CAST: variants seen among roughly 807,000 people sequenced by gnomAD.
CAST encodes the protein calpastatin.
A neutral mutation model predicts 119.6 loss-of-function variants in CAST; 76 were observed. The observed-to-expected ratio is 0.64, with a 90% CI of 0.53 to 0.77. The LOEUF (loss-of-function observed/expected upper bound fraction) is 0.77. CAST is among the 30% of genes least tolerant of loss of function. CAST has a pLI of 0.00. For synonymous variants in CAST, 319 were observed against 331.6 expected (o/e 0.96, Z 0.41); for missense variants, 953 against 946.5 (o/e 1.01, Z -0.09).
chr5:96,086,795 G>A, the CAST span, among the ~76,000 whole-genome samples: 3 of 152,144 alleles, frequency 2.0e-5, no homozygotes, highest in South Asian at 6.2e-4. Flanking sequence ...TTCTACATGA[G>A]ATGGTTAGCC....
chr5:96,471,923 C>T, the CAST span, among the ~76,000 whole-genome samples: 1 of 152,022 alleles, frequency 6.6e-6, no homozygotes, highest in Admixed American at 6.6e-5. Context: ...GGACAACTAT[C>T]CACAGCTATT....
At chr5:96,299,883 C>T in the CAST span, among the ~76,000 whole-genome samples, 13 of 152,108 alleles carry the variant, frequency 8.5e-5, no homozygotes, top group Non-Finnish European at 1.8e-4. Flanking sequence ...ACATATCCAT[C>T]ACCTCAAATA....
the CAST span, among the ~76,000 whole-genome samples, chr5:96,427,717 A>G: frequency 9.2e-5 from 14 of 152,192 alleles, no homozygotes; most frequent in Non-Finnish European, 2.9e-5. Flanking sequence ...ATTTTCTCCT[A>G]TGAAAGTGAG....
At chr5:96,496,347 A>G in the CAST span, among the ~76,000 whole-genome samples, 1 of 152,170 alleles carries the variant, frequency 6.6e-6, no homozygotes, top group South Asian at 2.1e-4. Flanking sequence ...GTAGTTGGAA[A>G]AACTTTTCTT....
chr5:96,647,424 C>A (rs1370872348), intron 1 of CAST, among the ~76,000 whole-genome samples: 1 of 152,072 alleles, frequency 6.6e-6, no homozygotes, highest in South Asian at 2.1e-4. Flanking sequence ...CCTATATGAA[C>A]CTTCGATTAT....
At chr5:96,234,248 A>G in the CAST span, among the ~76,000 whole-genome samples, 1 of 152,206 alleles carries the variant, frequency 6.6e-6, no homozygotes, top group African/African-American at 2.4e-5. Flanking sequence ...CTTAAAATGT[A>G]TTGCTTGTTT....
At chr5:96,615,356 G>A (rs1242893191) in intron 1 of CAST, among the ~76,000 whole-genome samples, 1 of 152,138 alleles carries the variant, frequency 6.6e-6, no homozygotes, top group Non-Finnish European at 1.5e-5. Context: ...CCCTAGGCAG[G>A]TCTCACTTCC....
At chr5:96,526,862 T>A (rs1281770551), upstream of CAST, among the ~76,000 whole-genome samples, 1 of 152,136 alleles carries the variant, frequency 6.6e-6, no homozygotes. Context: ...GGCCTGTGCT[T>A]TTTCCAAAGA....
chr5:96,262,879 G>A, the CAST span, among the ~76,000 whole-genome samples: 1 of 152,090 alleles, frequency 6.6e-6, no homozygotes, highest in Non-Finnish European at 1.5e-5. Flanking sequence ...CCAAGGATAG[G>A]TCTTCTTGCT....
chr5:96,063,210 G>A, the CAST span, among the ~76,000 whole-genome samples: 2 of 152,136 alleles, frequency 1.3e-5, no homozygotes, highest in Admixed American at 1.3e-4. Context: ...CTGGACTGCT[G>A]ATGGCTGCTA....
the CAST span, among the ~76,000 whole-genome samples, chr5:96,449,719 C>A: frequency 6.6e-6 from 1 of 152,194 alleles, no homozygotes; most frequent in Non-Finnish European, 1.5e-5. Flanking sequence ...TGTTCAAATG[C>A]GTTATGTAAT....
chr5:96,165,162 C>G, the CAST span, among the ~76,000 whole-genome samples: 4 of 151,628 alleles, frequency 2.6e-5, no homozygotes, highest in Non-Finnish European at 5.9e-5. Flanking sequence ...CATGACACCT[C>G]GGCAGATTCC....
rs923701524 is a variant in CAST, at chr5:96,630,939, A to C, written c.61-44600A>C. 3.0e-5 allele frequency: 3 copies of C among 100,196 alleles called. 1 individual carries two copies. The highest frequency in any genetic ancestry group is 6.7e-5 in the Non-Finnish European group (3 of 44,946). 6.2% of individuals were successfully genotyped at this position (100,196 alleles called of 1,614,324 possible). A position where few individuals can be genotyped will look rare whatever the true frequency, so the allele number is the denominator to read the frequency against. ...CTACAATTGATTCTTGTATACTAAAAAAAATTTTTTTAAATAATCTCTTAC... is the reference window on the plus strand; with the variant it reads ...CTACAATTGATTCTTGTATACTAAACAAAATTTTTTTAAATAATCTCTTAC... On this transcript the variant is annotated intron_variant, in intron 1 of 11. Coordinates refer to the CAST transcript ENST00000505143.
the CAST span, among the ~76,000 whole-genome samples, chr5:96,242,455 G>GGA: frequency 6.6e-6 from 1 of 152,108 alleles, no homozygotes; most frequent in East Asian, 1.9e-4. Context: ...AAATGCTGAT[G>GGA]ATCACCCTCA....
chr5:96,201,729 G>A, the CAST span, among the ~76,000 whole-genome samples: 2 of 151,854 alleles, frequency 1.3e-5, no homozygotes, highest in Non-Finnish European at 2.9e-5. Flanking sequence ...CTGACTGCTC[G>A]GTGTTCAGCC....
chr5:96,206,945 T>C, the CAST span, among the ~76,000 whole-genome samples: 2 of 152,170 alleles, frequency 1.3e-5, no homozygotes, highest in African/African-American at 4.8e-5. Flanking sequence ...GAGCATGGAA[T>C]GTTTTTCTAT....
the CAST span, among the ~76,000 whole-genome samples, chr5:96,424,246 T>A: frequency 6.6e-6 from 1 of 152,184 alleles, no homozygotes; most frequent in Non-Finnish European, 1.5e-5. Flanking sequence ...CCCTCTTGCT[T>A]TTGTGCCCTC....
Position 96,754,743 on chromosome 5 carries a change from T to TA in CAST, c.1710+5dup, listed in dbSNP as rs1765910614. On this transcript the variant is annotated splice_region_variant and intron_variant, in intron 22 of 31. Transcript: ENST00000675179. ...GATTATAGATTAGAAGAGGTCAAGG[T>TA]AAACAGGCTGGAGTCTTTTTCTATT... The TA allele has an allele frequency of 6.5e-7, 1 of 1,549,886 alleles. No individual in the cohort carries two copies. The highest frequency in any genetic ancestry group is 8.9e-7 in the Non-Finnish European group (1 of 1,123,040).
the CAST span, among the ~76,000 whole-genome samples, chr5:96,393,778 G>C: frequency 6.6e-6 from 1 of 152,322 alleles, no homozygotes; most frequent in South Asian, 2.1e-4. Context: ...GGCACCCACT[G>C]GTTGCGGTAG....
Sources: gnomAD v4.1 joint callset for allele counts (sites outside exome capture counted in the v4.1 genomes callset) on GRCh38, gnomAD v4.1.1 for gene constraint, MANE v1.5 for transcripts, NCBI Gene and HGNC (gene_info 2026-07-23, HGNC 2026-07-21) for gene names.